The following KCTD18 variants were observed in gnomAD, a reference collection of about 807,000 sequenced individuals.
KCTD18 encodes BTB/POZ domain-containing protein KCTD18.
A neutral mutation model predicts 30.4 loss-of-function variants in KCTD18; 22 were observed. The ratio of observed to expected loss-of-function variants is 0.72; its 90% CI spans 0.52 to 1.03. The LOEUF is 1.03. KCTD18 is among the 50% of genes least tolerant of loss of function. The pLI, the probability that KCTD18 is intolerant of heterozygous loss-of-function variation, is 0.00. For missense variants in KCTD18, 529 were observed against 547.6 expected, an observed-to-expected ratio of 0.97 and a Z score of 0.34; for synonymous variants, 186 against 209.0, an observed-to-expected ratio of 0.89 and a Z score of 0.95.
At chr2:200,490,756 C>A (rs1400592395) in intron 6 of KCTD18, 140 bp from the exon 7 acceptor site, 3 of 763,378 alleles carry the variant, frequency 3.9e-6, no homozygotes, top group Non-Finnish European at 6.0e-6. Flanking sequence ...GCACCTACCT[C>A]ATCTCTCATC....
intron 6 of KCTD18, among the ~76,000 whole-genome samples, chr2:200,492,878 G>A (rs1053929729): frequency 4.0e-5 from 6 of 151,480 alleles, no homozygotes; most frequent in African/African-American, 7.3e-5. Flanking sequence ...CACTTCTGTG[G>A]AGCAAAAATA....
intron 6 of KCTD18, among the ~76,000 whole-genome samples, chr2:200,491,663 C>A (rs2087919440): frequency 6.6e-6 from 1 of 152,164 alleles, no homozygotes; most frequent in Non-Finnish European, 1.5e-5. Flanking sequence ...TTATAAAAAG[C>A]CTACGGGGGA....
intron 5 of KCTD18, chr2:200,497,142 A>G (rs749840237): frequency 2.0e-5 from 3 of 152,522 alleles, no homozygotes; most frequent in Non-Finnish European, 4.4e-5. Flanking sequence ...TAGGCATAGA[A>G]CAGAACACGT....
At chr2:200,492,078 C>G (rs1324453438) in intron 6 of KCTD18, among the ~76,000 whole-genome samples, 1 of 152,182 alleles carries the variant, frequency 6.6e-6, no homozygotes, top group Non-Finnish European at 1.5e-5. Context: ...GGAAAGATAA[C>G]TAACACAGAG....
At chr2:200,506,074 A>G (rs1443883877) in intron 2 of KCTD18, among the ~76,000 whole-genome samples, 1 of 152,216 alleles carries the variant, frequency 6.6e-6, no homozygotes. Flanking sequence ...CTGCCATTTA[A>G]CCAGCAAAGC....
chr2:200,496,153 T>C (rs912956620), intron 5 of KCTD18: 11 of 152,454 alleles, frequency 7.2e-5, no homozygotes, highest in African/African-American at 2.7e-4. Context: ...CATGACCTCA[T>C]GATCCACCTG....
chr2:200,500,818 C>T (rs935223619), intron 3 of KCTD18, among the ~76,000 whole-genome samples: 7 of 152,018 alleles, frequency 4.6e-5, no homozygotes, highest in African/African-American at 1.2e-4. Flanking sequence ...GAGCCCGCAT[C>T]GCCAAGTCAA....
rs2087894173 is a variant in KCTD18 at position 200,490,399 on chromosome 2, G to T, written c.982C>A (p.Pro328Thr). 5.6e-6 allele frequency: 9 copies of T among 1,614,056 alleles called. No homozygotes were observed. Among genetic ancestry groups the T allele is most frequent in the Non-Finnish European group, 7.6e-6 (9 of 1,180,022 alleles). The change falls in exon 7 of 7, where the codon CCT becomes ACT. Residue 328 changes from proline (P) to threonine (T), a missense_variant. Pro to Thr is a conservative substitution (Grantham distance 38). Transcript: ENST00000359878. ...CCCACCAGGGCCGTGGCTCTGGAAG[G>T]TGCAGAGCGCTGAGCTGCCTTTCTG... Reference protein sequence around the residue: ...SRRKAAQRSAPSRATALVGTG... With the variant: ...SRRKAAQRSATSRATALVGTG...
chr2:200,493,080 TC>T (rs2087944496), intron 6 of KCTD18, 91 bp downstream of exon 6: 1 of 731,480 alleles, frequency 1.4e-6, no homozygotes, highest in Admixed American at 2.1e-5. Context: ...CTTAGTAAGG[TC>T]AAGAATTATT....
chr2:200,496,290 CA>C (rs2087997653), intron 5 of KCTD18: 1 of 152,104 alleles, frequency 6.6e-6, no homozygotes, highest in Non-Finnish European at 1.5e-5. Context: ...ACACAGAGAA[CA>C]CCATGGAGTT....
In KCTD18 at chr2:200,498,903, C is replaced by T; in HGVS notation, c.554G>A (p.Gly185Asp). 1 of 1,613,666 alleles carries T rather than the reference C, an allele frequency of 6.2e-7. No homozygotes were observed. The highest frequency in any genetic ancestry group is 8.5e-7 in the Non-Finnish European group (1 of 1,179,760). Residue 185 changes from glycine (G) to aspartate (D), a missense_variant, in exon 4 of 7, where the codon GGC becomes GAC. Gly to Asp is a moderately conservative substitution (Grantham distance 94, BLOSUM62 -1). Coordinates refer to ENST00000359878, the MANE Select transcript of KCTD18 (RefSeq NM_152387.4). ...AATTTGGACATACCTTTTAAAAATG[C>T]CTTTGCTGTGAATTCTTCCTCCCAG... ...KQLGGRIHSK[G>D]IFKREAGNNV... is the part of the protein sequence containing the mutation.
intron 2 of KCTD18, 148 bp from the exon 3 acceptor site, chr2:200,505,107 T>A (rs2030115496): frequency 3.0e-6 from 2 of 656,256 alleles, no homozygotes; most frequent in Non-Finnish European, 5.2e-6. Flanking sequence ...TAGGTTTATG[T>A]AATCTAAGCT....
chr2:200,499,914 CA>C (rs2088059292), intron 3 of KCTD18, among the ~76,000 whole-genome samples: 1 of 150,854 alleles, frequency 6.6e-6, no homozygotes, highest in East Asian at 1.9e-4. Context: ...AGCAGCACAT[CA>C]AAAAGCTTAT....
At chr2:200,503,138 G>C (rs919707686) in intron 3 of KCTD18, among the ~76,000 whole-genome samples, 1 of 152,092 alleles carries the variant, frequency 6.6e-6, no homozygotes, top group Admixed American at 6.5e-5. Context: ...GCCTTCCCTG[G>C]GAGGAACAGC....
intron 3 of KCTD18, among the ~76,000 whole-genome samples, chr2:200,501,838 G>A (rs1329581194): frequency 1.3e-5 from 2 of 151,060 alleles, no homozygotes; most frequent in South Asian, 2.1e-4. Context: ...ACATGCACAC[G>A]TATGTTTATT....
At chr2:200,495,880 G>C (rs1318271867) in intron 5 of KCTD18, 1 of 151,098 alleles carries the variant, frequency 6.6e-6, no homozygotes, top group Non-Finnish European at 1.5e-5. Context: ...GTTTTGTTTT[G>C]TGTTTAACAT....
In KCTD18 at chr2:200,490,593, G is replaced by C; in HGVS notation, c.788C>G (p.Ala263Gly). Reference protein sequence around the residue: ...RKRRLITFNEADESVNYKTGP... With the variant: ...RKRRLITFNEGDESVNYKTGP... ...AGTCTTATAGTTCACACTTTCGTCC[G>C]CTTCATTGAACGTTATCAGTCGCCT... is the stretch of plus-strand genomic sequence containing the variant. The change falls in exon 7 of 7, where the codon GCG becomes GGG. Residue 263 changes from alanine (A) to glycine (G), a missense_variant. Physicochemically the swap from Ala to Gly is moderately conservative, Grantham distance 60. Transcript: ENST00000359878. The C allele has an allele frequency of 1.3e-6, 2 of 1,594,090 alleles. No homozygotes were observed. Among genetic ancestry groups the C allele is most frequent in the Middle Eastern group, 1.7e-4 (1 of 6,032 alleles).
At chr2:200,509,493 A>T (rs1200809681) in intron 1 of KCTD18, 135 bp downstream of exon 1, 3 of 152,298 alleles carry the variant, frequency 2.0e-5, no homozygotes, top group Non-Finnish European at 4.4e-5. Context: ...GGATAGGAAC[A>T]TCATCATTCC....
rs754864975 is a variant in KCTD18 at position 200,490,194 on chromosome 2, G to T, written c.1187C>A (p.Ala396Asp). The change falls in exon 7 of 7, where the codon GCC (alanine) becomes GAC (aspartate). Residue 396 changes from alanine (A) to aspartate (D), a missense_variant. Physicochemically the swap from Ala to Asp is moderately radical, Grantham distance 126. Coordinates refer to ENST00000359878, the MANE Select transcript of KCTD18 (RefSeq NM_152387.4). ...ATAPCLPSPT[A>D]TRQANSLKPL... is the part of the protein sequence containing the mutation. ...CTTGAGGGAGTTGGCCTGCCTCGTGGCCGTGGGGGAGGGCAGGCAAGGCGC... is the reference window on the plus strand; with the variant it reads ...CTTGAGGGAGTTGGCCTGCCTCGTGTCCGTGGGGGAGGGCAGGCAAGGCGC... 1 of 1,614,012 alleles carries T rather than the reference G, an allele frequency of 6.2e-7. No homozygotes were observed.
Sources: gnomAD v4.1 joint callset for allele counts (sites outside exome capture counted in the v4.1 genomes callset) on GRCh38, gnomAD v4.1.1 for gene constraint, MANE v1.5 for transcripts, NCBI Gene and HGNC (gene_info 2026-07-23, HGNC 2026-07-21) for gene names.